The following CCDC9 variants were observed in gnomAD, a reference collection of about 807,000 sequenced individuals.
CCDC9 encodes coiled-coil domain containing 9, also known as coiled-coil domain-containing protein 9.
CCDC9 carries 52 observed loss-of-function variants against 65.6 expected under a neutral mutation model. The ratio of observed to expected loss-of-function variants is 0.79; its 90% CI spans 0.63 to 1.00. The LOEUF (loss-of-function observed/expected upper bound fraction) is 1.00. CCDC9 is among the 50% of genes least tolerant of loss of function. The pLI, the probability that CCDC9 is intolerant of heterozygous loss-of-function variation, is 0.00. For missense variants in CCDC9, 834 were observed against 757.2 expected (o/e 1.10, Z -1.19); for synonymous variants, 332 against 280.3 (o/e 1.18, Z -1.84).
In CCDC9 at chr19:47,271,254, A is replaced by G; in HGVS notation, c.1192-20A>G. 6.2e-7 allele frequency: 1 copy of G among 1,610,974 alleles called. No homozygotes were observed. Among genetic ancestry groups the G allele is most frequent in the Non-Finnish European group, 8.5e-7 (1 of 1,178,326 alleles). On this transcript the variant is annotated intron_variant, in intron 11 of 11. Coordinates refer to ENST00000221922, the MANE Select transcript of CCDC9 (RefSeq NM_015603.3). Reference sequence around the variant, plus strand: ...GGCTCAGGACCTGTGCCTTGCCCTGACTTGCCTGTGTCCCCAAAGCCACCC... The same window carrying G: ...GGCTCAGGACCTGTGCCTTGCCCTGGCTTGCCTGTGTCCCCAAAGCCACCC...
At position 47,260,588 on chromosome 19, in the gene CCDC9, G is replaced by A. The variant is rs2059038399; in HGVS notation, c.211G>A (p.Glu71Lys). 6.5e-7 allele frequency: 1 copy of A among 1,530,926 alleles called. No individual in the cohort carries two copies. 94.8% of individuals were successfully genotyped at this position (1,530,926 alleles called of 1,614,324 possible). A position where few individuals can be genotyped will look rare whatever the true frequency, so the allele number is the denominator to read the frequency against. The change falls in exon 5 of 12, where the codon GAG (glutamate) becomes AAG (lysine). Residue 71 changes from glutamate to lysine, a missense_variant and splice_region_variant. Physicochemically the swap from Glu to Lys is moderately conservative, Grantham distance 56. Transcript: ENST00000221922. The stretch of plus-strand genomic sequence containing the variant: ...ATTTTCCCCATCTCCCCTCTTCCAG[G>A]AGAAGAACCTGGGTCCTTCCCGGAG... ...VEKENVAVES[E>K]KNLGPSRRSP...
intron 5 of CCDC9, 108 bp from the exon 6 acceptor site, chr19:47,264,495 A>T: frequency 9.9e-7 from 1 of 1,013,746 alleles, no homozygotes; most frequent in Non-Finnish European, 1.5e-6. Flanking sequence ...AGATGCCAGC[A>T]GGCCAGTCCG....
chr19:47,261,541 C>T (rs556823124), intron 5 of CCDC9, among the ~76,000 whole-genome samples: 11 of 151,866 alleles, frequency 7.2e-5, no homozygotes, highest in South Asian at 2.1e-4. Flanking sequence ...AGCACTTACA[C>T]GGGAATAAGA....
chr19:47,272,121 A>T, downstream of CCDC9: 1 of 1,236,130 alleles, frequency 8.1e-7, no homozygotes, highest in South Asian at 4.0e-5. Context: ...GCCTCCGAGG[A>T]ACCCAGGAAG....
intron 3 of CCDC9, 119 bp downstream of exon 3, chr19:47,258,782 A>C (rs766218857): frequency 1.4e-5 from 10 of 718,334 alleles, no homozygotes; most frequent in Non-Finnish European, 2.5e-5. Flanking sequence ...ATAAAGGCCA[A>C]AGGCCTTAGC....
chr19:47,268,071 A>G (rs2059094113), intron 8 of CCDC9, among the ~76,000 whole-genome samples: 1 of 149,986 alleles, frequency 6.7e-6, no homozygotes, highest in Admixed American at 6.7e-5. Flanking sequence ...CTGGTCTTGA[A>G]CTCCTGACCT....
At chr19:47,271,239 C>G (rs1231862047) in intron 11 of CCDC9, 35 bp from the exon 12 acceptor site, 3 of 1,609,270 alleles carry the variant, frequency 1.9e-6, no homozygotes, top group Middle Eastern at 3.3e-4. Flanking sequence ...GGCTCAGGAC[C>G]TGTGCCTTGC....
chr19:47,266,658 G>C lies in CCDC9; in HGVS notation c.768G>C (p.Met256Ile). ...LGSAGDMTLS[M>I]TGRERSEYLR... ...GTGCTGGAGACATGACGTTGTCCAT[G>C]ACGGGCCGGGAGCGGTCGGAGTACC... The change falls in exon 8 of 12, where the codon ATG becomes ATC. Residue 256 changes from methionine (M) to isoleucine (I), a missense_variant. Physicochemically the swap from Met to Ile is conservative, Grantham distance 10. Coordinates refer to ENST00000221922, the MANE Select transcript of CCDC9 (RefSeq NM_015603.3). 6.3e-7 allele frequency: 1 copy of C among 1,594,932 alleles called. No individual in the cohort carries two copies. Among genetic ancestry groups the C allele is most frequent in the Non-Finnish European group, 8.5e-7 (1 of 1,170,904 alleles).
At chr19:47,266,131 G>A (rs1339912677) in intron 7 of CCDC9, among the ~76,000 whole-genome samples, 2 of 150,570 alleles carry the variant, frequency 1.3e-5, no homozygotes, top group Non-Finnish European at 3.0e-5. Context: ...GAAAAGCTGG[G>A]ACTACAGGCA....
chr19:47,264,177 G>A (rs1331587014), intron 5 of CCDC9, among the ~76,000 whole-genome samples: 2 of 152,136 alleles, frequency 1.3e-5, no homozygotes, highest in African/African-American at 2.4e-5. Context: ...CACCGCGCCC[G>A]GCCACTTTTA....
chr19:47,263,146 G>A (rs1415535393), intron 5 of CCDC9, among the ~76,000 whole-genome samples: 5 of 151,986 alleles, frequency 3.3e-5, no homozygotes, highest in African/African-American at 4.8e-5. Flanking sequence ...GAAGGAAGAA[G>A]GGGAGAACGG....
intron 8 of CCDC9, among the ~76,000 whole-genome samples, chr19:47,267,654 A>G (rs1169051326): frequency 6.6e-6 from 1 of 152,112 alleles, no homozygotes; most frequent in Non-Finnish European, 1.5e-5. Context: ...ACCCCGCCTC[A>G]CTGGGGCGGG....
rs1235533906 is a variant in CCDC9 at position 47,270,586 on chromosome 19, C to G, written c.983C>G (p.Pro328Arg). The G allele has an allele frequency of 7.4e-6, 12 of 1,613,862 alleles. No homozygotes were observed. The highest frequency in any genetic ancestry group is 1.0e-5 in the Non-Finnish European group (12 of 1,180,024). Residue 328 changes from proline to arginine, a missense_variant, in exon 10 of 12, where the codon CCT becomes CGT. Physicochemically the swap from Pro to Arg is moderately radical, Grantham distance 103 (BLOSUM62 -2). Coordinates refer to ENST00000221922, the MANE Select transcript of CCDC9 (RefSeq NM_015603.3). ...GCCTGGGCCCGGCCCCCGAAGCCCC[C>G]TACTTTTGGGGAGTTCCTGTCCCAG... ...DQAWARPPKPPTFGEFLSQHK... is the reference protein window; with the variant it reads ...DQAWARPPKPRTFGEFLSQHK...
intron 1 of CCDC9, chr19:47,257,798 G>T: frequency 6.3e-6 from 1 of 158,158 alleles, no homozygotes; most frequent in Non-Finnish European, 1.4e-5. Flanking sequence ...CAGCCAATAA[G>T]AGTGGGGTTC....
Position 47,271,927 on chromosome 19 carries a change from C to T in CCDC9, c.*249C>T. The T allele has an allele frequency of 7.7e-7, 1 of 1,301,066 alleles. No homozygotes were observed. The highest frequency in any genetic ancestry group is 9.7e-7 in the Non-Finnish European group (1 of 1,026,910). 80.6% of individuals were successfully genotyped at this position (1,301,066 alleles called of 1,614,324 possible). A position where few individuals can be genotyped will look rare whatever the true frequency, so the allele number is the denominator to read the frequency against. On this transcript the variant is annotated 3_prime_UTR_variant, in exon 12 of 12. Coordinates refer to ENST00000221922, the MANE Select transcript of CCDC9 (RefSeq NM_015603.3). The stretch of plus-strand genomic sequence containing the variant: ...CCTGCCCCAGCCCTTCGAGCCCCCT[C>T]CCCAATAAAGAATTCACATCCTCCA...
chr19:47,272,113 C>T, downstream of CCDC9: 7 of 1,236,118 alleles, frequency 5.7e-6, no homozygotes, highest in Non-Finnish European at 7.1e-6. Flanking sequence ...TGGGCCCAGC[C>T]TCCGAGGAAC....
downstream of CCDC9, chr19:47,272,002 C>T: frequency 8.0e-7 from 1 of 1,244,162 alleles, no homozygotes; most frequent in Non-Finnish European, 1.0e-6. Context: ...TCCCCCTGGG[C>T]CTTCTCTCTT....
At position 47,264,605 on chromosome 19, in the gene CCDC9, G is replaced by A. The variant is rs781671505; in HGVS notation, c.465G>A (p.Glu155=). The A allele has an allele frequency of 2.5e-6, 4 of 1,594,528 alleles. No individual in the cohort carries two copies. The South Asian group carries it at 4.5e-5, about 18-fold the overall frequency. Residue 155 remains glutamate (E), a splice_region_variant and synonymous_variant, in exon 6 of 12, where the codon GAG becomes GAA. Coordinates refer to ENST00000221922, the MANE Select transcript of CCDC9 (RefSeq NM_015603.3). The part of the protein sequence containing the change: ...DTSISDRKSK[E]WEERRRQNIE... ...TGTCCCTATCTTTATCCCCCCAGGA[G>A]TGGGAGGAGCGGCGCAGGCAGAACA... is the stretch of plus-strand genomic sequence containing the variant.
chr19:47,272,378 A>G (rs1478918598), downstream of CCDC9, among the ~76,000 whole-genome samples: 3 of 152,044 alleles, frequency 2.0e-5, no homozygotes. Context: ...GCCAATAGGA[A>G]TTTGGTATGG....
Sources: gnomAD v4.1 joint callset for allele counts (sites outside exome capture counted in the v4.1 genomes callset) on GRCh38, gnomAD v4.1.1 for gene constraint, MANE v1.5 for transcripts, NCBI Gene and HGNC (gene_info 2026-07-23, HGNC 2026-07-21) for gene names.